The following PTPRD variants were observed in gnomAD, a reference collection of about 807,000 sequenced individuals.
PTPRD encodes the protein protein tyrosine phosphatase receptor type D.
PTPRD carries 34 observed loss-of-function variants against 214.5 expected under a neutral mutation model. That is an observed-to-expected ratio of 0.16 (90% CI 0.12 to 0.21). The LOEUF is 0.21. Ranked by LOEUF, PTPRD falls within the 10% of genes least tolerant of loss-of-function variation. PTPRD has a pLI of 1.00. For missense variants in PTPRD, 2,545 were observed against 2,398.7 expected, an observed-to-expected ratio of 1.06 and a Z score of -1.27; for synonymous variants, 1,128 against 845.7, an observed-to-expected ratio of 1.33 and a Z score of -5.79.
At chr9:10,151,386 C>T (rs529045294) in intron 3 of PTPRD, among the ~76,000 whole-genome samples, 18 of 150,986 alleles carry the variant, frequency 1.2e-4, no homozygotes, top group African/African-American at 4.4e-4. Context: ...CCTCAGCCTC[C>T]CGAGTAGCTG....
At chr9:9,429,792 G>T (rs1184641625) in intron 8 of PTPRD, among the ~76,000 whole-genome samples, 1 of 152,066 alleles carries the variant, frequency 6.6e-6, no homozygotes, top group Non-Finnish European at 1.5e-5. Context: ...CAGAACCCAA[G>T]ACAAAACCCA....
intron 5 of PTPRD, among the ~76,000 whole-genome samples, chr9:9,879,135 T>C (rs79586239): frequency 0.015 from 2,293 of 152,342 alleles, 55 homozygotes; most frequent in African/African-American, 0.052. Flanking sequence ...TTAGGCTCCA[T>C]TCTCCATAGA....
At chr9:8,689,387 C>A (rs1039930970) in intron 12 of PTPRD, among the ~76,000 whole-genome samples, 2 of 152,146 alleles carry the variant, frequency 1.3e-5, no homozygotes, top group African/African-American at 4.8e-5. Context: ...TGTTTTTACA[C>A]TGCTGATGAA....
intron 12 of PTPRD, among the ~76,000 whole-genome samples, chr9:8,639,944 T>G (rs1275218434): frequency 1.3e-5 from 2 of 152,184 alleles, no homozygotes; most frequent in African/African-American, 2.4e-5. Context: ...TTTTGTTTGT[T>G]TTTTGAGACA....
At chr9:8,933,958 C>G (rs988839888) in intron 11 of PTPRD, among the ~76,000 whole-genome samples, 1 of 152,026 alleles carries the variant, frequency 6.6e-6, no homozygotes, top group Non-Finnish European at 1.5e-5. Context: ...TTCCCAACCC[C>G]AGAATATATT....
chr9:10,258,747 CTCTCTCTT>C (rs919838614), intron 3 of PTPRD, among the ~76,000 whole-genome samples: 2 of 151,950 alleles, frequency 1.3e-5, no homozygotes, highest in African/African-American at 4.8e-5. Context: ...TTTTGTATCT[CTCTCTCTT>C]TCTCTCTCTT....
intron 12 of PTPRD, among the ~76,000 whole-genome samples, chr9:8,719,591 G>A (rs746354184): frequency 1.3e-5 from 2 of 152,144 alleles, no homozygotes; most frequent in Non-Finnish European, 2.9e-5. Context: ...CCCACTGCAC[G>A]TATTTTTAAA....
chr9:9,127,722 A>T (rs1284497377), intron 10 of PTPRD, among the ~76,000 whole-genome samples: 1 of 152,168 alleles, frequency 6.6e-6, no homozygotes. Context: ...TTATATATAC[A>T]TGTATCAGTC....
At chr9:10,254,760 G>T (rs779308343) in intron 3 of PTPRD, among the ~76,000 whole-genome samples, 9 of 152,120 alleles carry the variant, frequency 5.9e-5, no homozygotes, top group Non-Finnish European at 8.8e-5. Context: ...CTGCTCAGGG[G>T]TCACAAAGAC....
At chr9:10,609,283 T>G (rs2080317625) in intron 2 of PTPRD, among the ~76,000 whole-genome samples, 1 of 152,224 alleles carries the variant, frequency 6.6e-6, no homozygotes, top group African/African-American at 2.4e-5. Context: ...ATCACATTTT[T>G]TTCAGAATTT....
chr9:8,740,838 A>C (rs1205778799), intron 11 of PTPRD, among the ~76,000 whole-genome samples: 1 of 152,194 alleles, frequency 6.6e-6, no homozygotes, highest in African/African-American at 2.4e-5. Context: ...GCTATGACTT[A>C]ATATGAAGAC....
chr9:9,675,479 C>G (rs573658256), intron 7 of PTPRD, among the ~76,000 whole-genome samples: 23 of 151,018 alleles, frequency 1.5e-4, no homozygotes, highest in Non-Finnish European at 3.0e-4. Context: ...ATGATAAATA[C>G]AAGAAATTAT....
chr9:9,139,030 G>A (rs2099855692), intron 10 of PTPRD, among the ~76,000 whole-genome samples: 1 of 151,986 alleles, frequency 6.6e-6, no homozygotes, highest in Non-Finnish European at 1.5e-5. Flanking sequence ...CTAAATAGCA[G>A]AGCCAGGATA....
At chr9:10,046,495 A>C (rs1428705112) in intron 3 of PTPRD, among the ~76,000 whole-genome samples, 1 of 151,856 alleles carries the variant, frequency 6.6e-6, no homozygotes, top group African/African-American at 2.4e-5. Context: ...AAAATTCCCT[A>C]CATTGATTTT....
At chr9:8,538,709 C>T (rs1456245954) in intron 14 of PTPRD, among the ~76,000 whole-genome samples, 2 of 151,410 alleles carry the variant, frequency 1.3e-5, no homozygotes, top group Non-Finnish European at 3.0e-5. Context: ...AATGAGTATG[C>T]ATGCACAAAC....
chr9:9,324,396 A>G (rs1968616293), intron 9 of PTPRD, among the ~76,000 whole-genome samples: 1 of 152,142 alleles, frequency 6.6e-6, no homozygotes, highest in Non-Finnish European at 1.5e-5. Flanking sequence ...CTGGTGTGAG[A>G]TGGTATCTCA....
rs10959175 is a variant in PTPRD at position 10,581,373 on chromosome 9, G to A, written c.-600+31025C>T. On this transcript the variant is annotated intron_variant, in intron 2 of 45. Transcript: ENST00000381196. ...TGCATCTACTCCACCCTTGAAAGGA[G>A]ACTGACAAGTTTATAGACTGCTCAT... Among the ~76,000 whole-genome samples, 529 of 152,278 alleles carry A rather than the reference G, an allele frequency of 3.5e-3. 18 individuals are homozygous for A. In the East Asian group the frequency reaches 0.075, roughly 22 times the overall value.
chr9:9,235,903 T>C (rs977528398), intron 9 of PTPRD, among the ~76,000 whole-genome samples: 3 of 152,196 alleles, frequency 2.0e-5, no homozygotes, highest in African/African-American at 7.2e-5. Flanking sequence ...CATGGAAAGT[T>C]ACCTTGCATG....
intron 14 of PTPRD, among the ~76,000 whole-genome samples, chr9:8,547,093 T>TATCATAGAC (rs1418446938): frequency 1.3e-5 from 2 of 152,308 alleles, no homozygotes; most frequent in Non-Finnish European, 1.5e-5. Context: ...GAAATAAAGT[T>TATCATAGAC]ATCATAGACA....
Sources: gnomAD v4.1 joint callset for allele counts (sites outside exome capture counted in the v4.1 genomes callset) on GRCh38, gnomAD v4.1.1 for gene constraint, MANE v1.5 for transcripts, NCBI Gene and HGNC (gene_info 2026-07-23, HGNC 2026-07-21) for gene names.